Variants in PLCG2 observed in about 807,000 individuals in gnomAD.
PLCG2 encodes 1-phosphatidylinositol 4,5-bisphosphate phosphodiesterase gamma-2.
A neutral mutation model predicts 175.6 loss-of-function variants in PLCG2; 69 were observed. The observed-to-expected ratio is 0.39, with a 90% confidence interval of 0.32 to 0.48. PLCG2 has a LOEUF of 0.48. Ranked by LOEUF, PLCG2 falls within the 20% of genes least tolerant of loss-of-function variation. PLCG2 has a pLI of 0.91. For missense variants in PLCG2, 1,798 were observed against 1,650.9 expected, an observed-to-expected ratio of 1.09 and a Z score of -1.54; for synonymous variants, 827 against 624.0, an observed-to-expected ratio of 1.33 and a Z score of -4.85.
At chr16:81,808,197 G>A (rs759830412) in intron 2 of PLCG2, among the ~76,000 whole-genome samples, 1 of 152,228 alleles carries the variant, frequency 6.6e-6, no homozygotes. Flanking sequence ...ATTCATTTAA[G>A]CATTTGTGAC....
intron 2 of PLCG2, among the ~76,000 whole-genome samples, chr16:81,759,586 A>G (rs1480474873): frequency 6.6e-6 from 1 of 151,886 alleles, no homozygotes; most frequent in African/African-American, 2.4e-5. Flanking sequence ...ACTTCCTCCA[A>G]AGTTTCTTTC....
At chr16:81,799,578 C>G (rs1388186676) in intron 2 of PLCG2, among the ~76,000 whole-genome samples, 1 of 150,774 alleles carries the variant, frequency 6.6e-6, no homozygotes, top group East Asian at 2.0e-4. Context: ...GTGCAAGCCA[C>G]TGAGCCTGGC....
At chr16:81,927,347 G>T (rs191613594) in intron 23 of PLCG2, among the ~76,000 whole-genome samples, 169 bp downstream of exon 23, 162 of 152,308 alleles carry the variant, frequency 1.1e-3, no homozygotes, top group Admixed American at 1.7e-3. Context: ...AGATTGAGTT[G>T]TTGTGGGTGA....
At position 81,802,093 on chromosome 16, in the gene PLCG2, C is replaced by CTTTTTTTTTTTTTTTTT. The variant is rs1157731599; in HGVS notation, c.193+15933_193+15949dup. On this transcript the variant is annotated intron_variant, in intron 2 of 32. Coordinates refer to ENST00000564138, the MANE Select transcript of PLCG2 (RefSeq NM_002661.5). ...GTTAGCTCCTTCAGGTGAGTACAGT[C>CTTTTTTTTTTTTTTTTT]TTTTTTTTTTTTTTTTTTTTTTTTT... Among the ~76,000 whole-genome samples the CTTTTTTTTTTTTTTTTT allele has an allele frequency of 9.7e-4, 39 of 40,014 alleles. 15 individuals carry two copies. The highest frequency in any genetic ancestry group is 3.9e-3 in the East Asian group (3 of 760). 26.3% of individuals were successfully genotyped at this position (40,014 alleles called of 152,430 possible).
chr16:81,936,583 C>T (rs4073829), intron 27 of PLCG2, among the ~76,000 whole-genome samples: 1 of 152,040 alleles, frequency 6.6e-6, no homozygotes, highest in African/African-American at 2.4e-5. Flanking sequence ...GCTTGGCTTA[C>T]GCAGGCTTCG....
At chr16:81,906,452 TCTTGCTC>T (rs1909374732) in intron 15 of PLCG2, 1 of 152,212 alleles carries the variant, frequency 6.6e-6, no homozygotes, top group Non-Finnish European at 1.5e-5. Context: ...TTTTAGATAG[TCTTGCTC>T]CATTGCCCTG....
chr16:81,931,993 A>G (rs1245373901), intron 25 of PLCG2, among the ~76,000 whole-genome samples: 2 of 152,220 alleles, frequency 1.3e-5, no homozygotes, highest in Non-Finnish European at 2.9e-5. Context: ...CTTTCTAAGT[A>G]TCATATAAAG....
intron 1 of PLCG2, among the ~76,000 whole-genome samples, chr16:81,744,644 C>T (rs930788892): frequency 6.6e-6 from 1 of 152,038 alleles, no homozygotes; most frequent in Non-Finnish European, 1.5e-5. Context: ...CAGACCATGG[C>T]TCTCTGCAGC....
Position 81,752,193 on chromosome 16 carries a change from G to A in PLCG2, c.-144-3677G>A, listed in dbSNP as rs78524392. Among the ~76,000 whole-genome samples, 1,273 of 152,198 alleles carry A rather than the reference G, an allele frequency of 8.4e-3. 16 individuals are homozygous for A. Among genetic ancestry groups the A allele is most frequent in the African/African-American group, 0.029 (1,186 of 41,542 alleles). Reference sequence around the variant, plus strand: ...AGCTCCCACTGTTCCCCAACACTGCGTCTCAGAGTTCCCTGATGCTGGAAG... The same window carrying A: ...AGCTCCCACTGTTCCCCAACACTGCATCTCAGAGTTCCCTGATGCTGGAAG... On this transcript the variant is annotated intron_variant, in intron 1 of 5. Coordinates refer to the PLCG2 transcript ENST00000565054.
At chr16:81,912,527 C>T (rs1909671913) in intron 18 of PLCG2, 70 bp from the exon 19 acceptor site, 6 of 1,571,924 alleles carry the variant, frequency 3.8e-6, no homozygotes, top group Admixed American at 3.7e-5. Flanking sequence ...ATTATCTTGT[C>T]CTCTGCGGGT....
intron 2 of PLCG2, among the ~76,000 whole-genome samples, chr16:81,765,880 G>T (rs751532557): frequency 2.6e-5 from 4 of 152,202 alleles, no homozygotes; most frequent in Admixed American, 1.3e-4. Context: ...GCCAAGGTGG[G>T]TTACATACTA....
rs146256355 is a variant in PLCG2, at chr16:81,815,463, C to G, written c.193+29281C>G. On this transcript the variant is annotated intron_variant, in intron 2 of 32. Coordinates refer to ENST00000564138, the MANE Select transcript of PLCG2 (RefSeq NM_002661.5). Reference sequence around the variant, plus strand: ...AAACTGCAGGGGCTGAGAGACCACCCCCTAGAGGCTTCCTCATTTGCATCT... The same window carrying G: ...AAACTGCAGGGGCTGAGAGACCACCGCCTAGAGGCTTCCTCATTTGCATCT... Among the ~76,000 whole-genome samples, 269 of 152,328 alleles carry G rather than the reference C, an allele frequency of 1.8e-3. 2 individuals are homozygous for G. Among genetic ancestry groups the G allele is most frequent in the Admixed American group, 5.0e-3 (76 of 15,306 alleles).
chr16:81,790,088 T>C (rs1429402166), intron 2 of PLCG2, among the ~76,000 whole-genome samples: 2 of 152,176 alleles, frequency 1.3e-5, no homozygotes, highest in Non-Finnish European at 2.9e-5. Flanking sequence ...GGAAATAACA[T>C]TGGTGTCTAC....
chr16:81,774,214 G>C (rs1910347902), intron 2 of PLCG2, among the ~76,000 whole-genome samples: 1 of 148,784 alleles, frequency 6.7e-6, no homozygotes, highest in Non-Finnish European at 1.5e-5. Flanking sequence ...GCCAGGCGTG[G>C]TGATGCACGC....
chr16:81,808,595 G>A (rs142275175), intron 2 of PLCG2, among the ~76,000 whole-genome samples: 1,632 of 152,210 alleles, frequency 0.011, 15 homozygotes, highest in Middle Eastern at 0.027. Context: ...CCAGATTCAA[G>A]CCATTCTCCT....
At chr16:81,911,629 G>T (rs995482552) in intron 18 of PLCG2, among the ~76,000 whole-genome samples, 1 of 134,148 alleles carries the variant, frequency 7.5e-6, no homozygotes, top group Non-Finnish European at 1.7e-5. Context: ...AATTAATTTT[G>T]AGACCGGGTC....
At chr16:81,805,783 G>GTTTTTTTTTTTTTTTTTTTTTTTTTTTT (rs35014411) in intron 2 of PLCG2, among the ~76,000 whole-genome samples, 1 of 82,932 alleles carries the variant, frequency 1.2e-5, no homozygotes, top group Non-Finnish European at 2.2e-5. Flanking sequence ...TTTTTTTTTT[G>GTTTTTTTTTTTTTTTTTTTTTTTTTTTT]TTTTTTTTTT....
chr16:81,849,219 G>C (rs1415724658), intron 2 of PLCG2, among the ~76,000 whole-genome samples: 3 of 152,132 alleles, frequency 2.0e-5, no homozygotes, highest in African/African-American at 7.2e-5. Context: ...TGACTGTGGG[G>C]ATAACGTACT....
chr16:81,778,016 C>CAAAAAAAAAAAAAA (rs753644088), upstream of PLCG2, among the ~76,000 whole-genome samples: 5 of 49,086 alleles, frequency 1.0e-4, no homozygotes, highest in Non-Finnish European at 1.8e-4. Context: ...GACTTTGTCT[C>CAAAAAAAAAAAAAA]AAAAAAAAAA....
Sources: allele counts gnomAD v4.1 joint callset (sites outside exome capture counted in the v4.1 genomes callset), GRCh38; gene constraint gnomAD v4.1.1; transcripts MANE v1.5; gene names NCBI Gene and HGNC (gene_info 2026-07-23, HGNC 2026-07-21).